The following NAALADL2 variants were observed in gnomAD, a reference collection of about 807,000 sequenced individuals.
The protein encoded by NAALADL2 is N-acetylated alpha-linked acidic dipeptidase like 2.
NAALADL2 carries 76 observed loss-of-function variants against 87.2 expected under a neutral mutation model. The observed-to-expected ratio is 0.87, with a 90% CI of 0.72 to 1.05. The LOEUF is 1.05. Ranked by LOEUF, NAALADL2 falls within the 50% of genes least tolerant of loss-of-function variation. The probability of loss-of-function intolerance (pLI) is 0.00; values close to 1 mark genes in which losing one functional copy is unlikely to be tolerated. For synonymous variants in NAALADL2, 354 were observed against 331.0 expected, an observed-to-expected ratio of 1.07 and a Z score of -0.75; for missense variants, 1,089 against 945.8, an observed-to-expected ratio of 1.15 and a Z score of -1.99.
chr3:175,115,317 A>G (rs901752948), intron 2 of NAALADL2: 3 of 151,454 alleles, frequency 2.0e-5, no homozygotes, highest in African/African-American at 4.8e-5. Flanking sequence ...TTTTTTTTCA[A>G]TCAAACTCCA....
intron 2 of NAALADL2, among the ~76,000 whole-genome samples, chr3:174,583,224 A>G (rs1338329282): frequency 6.6e-6 from 1 of 152,226 alleles, no homozygotes; most frequent in Non-Finnish European, 1.5e-5. Context: ...ATCATATATA[A>G]CCTATCAAAC....
chr3:175,546,151 C>G (rs1027003429), intron 9 of NAALADL2, among the ~76,000 whole-genome samples: 1 of 152,110 alleles, frequency 6.6e-6, no homozygotes, highest in Non-Finnish European at 1.5e-5. Flanking sequence ...GAAAAGACTT[C>G]ATTGTCTTTT....
chr3:175,303,368 A>G (rs1347355021), intron 4 of NAALADL2, among the ~76,000 whole-genome samples: 1 of 152,146 alleles, frequency 6.6e-6, no homozygotes, highest in Admixed American at 6.5e-5. Context: ...AAGTTGTATA[A>G]AAATCATATG....
At chr3:175,790,953 G>A (rs1047562284) in intron 13 of NAALADL2, among the ~76,000 whole-genome samples, 2 of 152,194 alleles carry the variant, frequency 1.3e-5, no homozygotes, top group Non-Finnish European at 2.9e-5. Flanking sequence ...ACTCACTGGA[G>A]GAATTGTTGA....
At chr3:175,287,137 G>A (rs9846671) in intron 4 of NAALADL2, among the ~76,000 whole-genome samples, 9,676 of 152,062 alleles carry the variant, frequency 0.064, 387 homozygotes, top group East Asian at 0.14. Context: ...ATCTCGTTCC[G>A]TATAGTATCC....
intron 2 of NAALADL2, among the ~76,000 whole-genome samples, chr3:174,597,376 C>T (rs1049423516): frequency 3.9e-5 from 6 of 152,110 alleles, no homozygotes; most frequent in Non-Finnish European, 5.9e-5. Flanking sequence ...AGGTGTTCAA[C>T]GTAAACTATA....
chr3:175,483,373 A>G (rs1158997531), intron 9 of NAALADL2, among the ~76,000 whole-genome samples: 1 of 147,492 alleles, frequency 6.8e-6, no homozygotes, highest in African/African-American at 2.5e-5. Flanking sequence ...CTGACCCTTT[A>G]AACATCTTTT....
At chr3:174,844,865 G>C (rs5004739) in intron 3 of NAALADL2, among the ~76,000 whole-genome samples, 4 of 74,944 alleles carry the variant, frequency 5.3e-5, no homozygotes, top group East Asian at 9.1e-4. Flanking sequence ...TTTTTTTTGG[G>C]GGAGTCTTTA....
rs530536633 is a variant in NAALADL2, at chr3:174,668,486, A to T, written c.-114-69155A>T. Among the ~76,000 whole-genome samples the T allele has an allele frequency of 8.5e-5, 13 of 152,246 alleles. No homozygotes were observed. In the South Asian group the frequency reaches 2.7e-3, roughly 32 times the overall value. Reference sequence around the variant, plus strand: ...TGCACAACGTGCAGGTTAGTTACATATGTATACATGTGCCATGTTGGTGTG... The same window carrying T: ...TGCACAACGTGCAGGTTAGTTACATTTGTATACATGTGCCATGTTGGTGTG... On this transcript the variant is annotated intron_variant, in intron 2 of 3. Coordinates refer to the NAALADL2 transcript ENST00000434257.
At chr3:175,305,063 CAA>C (rs1327093925) in intron 4 of NAALADL2, among the ~76,000 whole-genome samples, 2 of 151,784 alleles carry the variant, frequency 1.3e-5, no homozygotes, top group African/African-American at 4.8e-5. Context: ...CTCTGTGATA[CAA>C]AGTTATTTGA....
At chr3:175,528,302 C>T (rs1733681027) in intron 9 of NAALADL2, among the ~76,000 whole-genome samples, 1 of 152,066 alleles carries the variant, frequency 6.6e-6, no homozygotes, top group Non-Finnish European at 1.5e-5. Context: ...AACTTGGAGT[C>T]CAACGTTCAA....
chr3:174,767,498 G>T (rs1169509541), intron 3 of NAALADL2, among the ~76,000 whole-genome samples: 2 of 152,080 alleles, frequency 1.3e-5, no homozygotes, highest in Non-Finnish European at 2.9e-5. Flanking sequence ...TCATGCTGTA[G>T]CACTCAAACG....
intron 2 of NAALADL2, among the ~76,000 whole-genome samples, chr3:175,216,240 A>T (rs1742502954): frequency 6.6e-6 from 1 of 152,158 alleles, no homozygotes; most frequent in Admixed American, 6.6e-5. Flanking sequence ...CCCTTGCCTC[A>T]TCTTGTCAAA....
chr3:175,295,623 C>T (rs1756220042), intron 4 of NAALADL2, among the ~76,000 whole-genome samples: 1 of 151,960 alleles, frequency 6.6e-6, no homozygotes. Context: ...CTTTCATTCA[C>T]ACATGTCTTC....
intron 3 of NAALADL2, among the ~76,000 whole-genome samples, chr3:174,841,253 TA>T (rs1188773044): frequency 3.3e-5 from 5 of 152,314 alleles, no homozygotes; most frequent in African/African-American, 1.2e-4. Flanking sequence ...TAAGTTATTG[TA>T]ATAGTTACTG....
At chr3:174,501,109 C>G (rs1211197203) in intron 1 of NAALADL2, among the ~76,000 whole-genome samples, 1 of 128,208 alleles carries the variant, frequency 7.8e-6, no homozygotes, top group African/African-American at 3.5e-5. Flanking sequence ...GACGGAGTCT[C>G]GCTCTGTCAC....
intron 5 of NAALADL2, among the ~76,000 whole-genome samples, chr3:175,382,420 CTCTT>C (rs1228783728): frequency 6.6e-6 from 1 of 151,394 alleles, no homozygotes; most frequent in Non-Finnish European, 1.5e-5. Context: ...ATAATGGAAA[CTCTT>C]AAACACTGCA....
In NAALADL2 at chr3:175,313,519, A is replaced by G. The variant is rs570242756; in HGVS notation, c.940-10656A>G. Among the ~76,000 whole-genome samples the G allele has an allele frequency of 2.0e-5, 3 of 152,282 alleles. No individual in the cohort carries two copies. The South Asian group carries it at 6.2e-4, about 32-fold the overall frequency. On this transcript the variant is annotated intron_variant, in intron 4 of 13. Coordinates refer to ENST00000454872, the MANE Select transcript of NAALADL2 (RefSeq NM_207015.3). ...TCCAAGTGGTAGTTCAGGATGCCATATATTCTGACCAGCAAAAGTAAAAAG... is the reference window on the plus strand; with the variant it reads ...TCCAAGTGGTAGTTCAGGATGCCATGTATTCTGACCAGCAAAAGTAAAAAG...
At chr3:174,482,438 A>C (rs1035119769) in intron 1 of NAALADL2, among the ~76,000 whole-genome samples, 1 of 152,100 alleles carries the variant, frequency 6.6e-6, no homozygotes, top group African/African-American at 2.4e-5. Context: ...TGCCCACTGC[A>C]GAGGCTCTTG....
Sources: gnomAD v4.1 joint callset for allele counts (sites outside exome capture counted in the v4.1 genomes callset) on GRCh38, gnomAD v4.1.1 for gene constraint, MANE v1.5 for transcripts, NCBI Gene and HGNC (gene_info 2026-07-23, HGNC 2026-07-21) for gene names.